MARCHF1: variants seen among roughly 807,000 people sequenced by gnomAD.
MARCHF1 encodes E3 ubiquitin-protein ligase MARCHF1.
Under a neutral mutation model 54.2 loss-of-function variants are expected in MARCHF1, and 40 were observed. The ratio of observed to expected loss-of-function variants is 0.74; its 90% CI spans 0.57 to 0.96. The LOEUF (loss-of-function observed/expected upper bound fraction) is 0.96. MARCHF1 is among the 40% of genes least tolerant of loss of function. The pLI is 0.00. For missense variants in MARCHF1, 586 were observed against 656.5 expected, an observed-to-expected ratio of 0.89 and a Z score of 1.17; for synonymous variants, 236 against 236.3, an observed-to-expected ratio of 1.00 and a Z score of 0.01.
At chr4:163,538,571 T>C (rs1390861790) in intron 9 of MARCHF1, among the ~76,000 whole-genome samples, 1 of 152,194 alleles carries the variant, frequency 6.6e-6, no homozygotes, top group Non-Finnish European at 1.5e-5. Flanking sequence ...TTAATTTCTT[T>C]ACAGCCCATG....
At position 163,873,890 on chromosome 4, in the gene MARCHF1, C is replaced by G. The variant is rs575712295; in HGVS notation, c.-38-19721G>C. Among the ~76,000 whole-genome samples, 9 of 152,252 alleles carry G rather than the reference C, an allele frequency of 5.9e-5. No individual in the cohort carries two copies. The South Asian group carries it at 1.9e-3, about 32-fold the overall frequency. ...TCATGTGTGCTACTCTGGAATCGTACCCCTAAGAAAATGTTGGCATGTAGG... is the reference window on the plus strand; with the variant it reads ...TCATGTGTGCTACTCTGGAATCGTAGCCCTAAGAAAATGTTGGCATGTAGG... On this transcript the variant is annotated intron_variant, in intron 3 of 9. Coordinates refer to ENST00000514618, the MANE Select transcript of MARCHF1 (RefSeq NM_001394959.1).
chr4:163,676,357 CA>C (rs201672647), intron 5 of MARCHF1, among the ~76,000 whole-genome samples: 1,843 of 106,244 alleles, frequency 0.017, 13 homozygotes, highest in Middle Eastern at 0.035. Context: ...AACTCTGTCT[CA>C]AAAAAAAAAA....
intron 5 of MARCHF1, among the ~76,000 whole-genome samples, chr4:163,623,153 G>T (rs1240283395): frequency 2.0e-5 from 3 of 152,174 alleles, no homozygotes; most frequent in African/African-American, 7.2e-5. Flanking sequence ...AGATCCAAGA[G>T]AAGTTTTGTT....
intron 3 of MARCHF1, among the ~76,000 whole-genome samples, chr4:163,933,370 T>C (rs1379659909): frequency 1.3e-5 from 2 of 152,220 alleles, no homozygotes; most frequent in African/African-American, 4.8e-5. Context: ...CGGAATCATC[T>C]GTTTACAGTC....
rs566037370 is a variant in MARCHF1 at position 164,177,648 on chromosome 4, G to A, written c.-322-65986C>T. Among the ~76,000 whole-genome samples, 19 of 152,216 alleles carry A rather than the reference G, an allele frequency of 1.2e-4. No individual in the cohort carries two copies. In the South Asian group the frequency reaches 2.1e-3, roughly 17 times the overall value. ...AAAGCAAACTTTAATATTGATAGCA[G>A]TAAGTGACATACTTAAGAAGAAAAA... On this transcript the variant is annotated intron_variant, in intron 1 of 9. Transcript: ENST00000514618.
At chr4:164,292,273 C>T (rs547639256) in intron 1 of MARCHF1, among the ~76,000 whole-genome samples, 50 of 152,152 alleles carry the variant, frequency 3.3e-4, no homozygotes, top group Middle Eastern at 3.4e-3. Context: ...AAACGTTTCT[C>T]ATAATTAAAG....
intron 3 of MARCHF1, among the ~76,000 whole-genome samples, chr4:163,862,528 G>A (rs949075350): frequency 5.9e-5 from 9 of 152,012 alleles, no homozygotes; most frequent in Non-Finnish European, 8.8e-5. Flanking sequence ...TATTAGAGTG[G>A]CTAAAATGCA....
chr4:164,378,734 CAG>C (rs1316024072), intron 1 of MARCHF1, among the ~76,000 whole-genome samples: 1 of 152,186 alleles, frequency 6.6e-6, no homozygotes, highest in East Asian at 1.9e-4. Context: ...TTTTTTGAGA[CAG>C]AGTCTCACTC....
chr4:164,365,963 TCA>T (rs1484816616), intron 1 of MARCHF1, among the ~76,000 whole-genome samples: 1 of 149,186 alleles, frequency 6.7e-6, no homozygotes, highest in Non-Finnish European at 1.5e-5. Flanking sequence ...CAAGTTTTGA[TCA>T]TCTCTCTCCC....
At chr4:164,300,971 G>T (rs1177867203) in intron 1 of MARCHF1, among the ~76,000 whole-genome samples, 2 of 152,164 alleles carry the variant, frequency 1.3e-5, no homozygotes, top group Non-Finnish European at 2.9e-5. Context: ...GATGGGGGAA[G>T]AGACGAAAAT....
chr4:164,184,919 T>C (rs1389078004), intron 1 of MARCHF1, among the ~76,000 whole-genome samples: 1 of 152,232 alleles, frequency 6.6e-6, no homozygotes, highest in Non-Finnish European at 1.5e-5. Context: ...GTAGTGACAG[T>C]GGCACAACTA....
At chr4:164,232,262 C>G (rs564322244) in intron 1 of MARCHF1, among the ~76,000 whole-genome samples, 1 of 152,046 alleles carries the variant, frequency 6.6e-6, no homozygotes, top group Non-Finnish European at 1.5e-5. Context: ...AGTTATCACA[C>G]GACATTTATG....
chr4:164,337,519 T>A (rs954717775), intron 1 of MARCHF1, among the ~76,000 whole-genome samples: 1 of 152,162 alleles, frequency 6.6e-6, no homozygotes, highest in African/African-American at 2.4e-5. Context: ...ATGATCAGCA[T>A]GGATGAGTAA....
intron 1 of MARCHF1, among the ~76,000 whole-genome samples, chr4:164,263,280 T>A (rs1444340808): frequency 6.6e-6 from 1 of 152,090 alleles, no homozygotes; most frequent in African/African-American, 2.4e-5. Context: ...GTTTAAGACA[T>A]TTTACTATGT....
Position 163,899,308 on chromosome 4 carries a change from C to G in MARCHF1, c.-38-45139G>C, listed in dbSNP as rs558321562. On this transcript the variant is annotated intron_variant, in intron 3 of 9. Coordinates refer to ENST00000514618, the MANE Select transcript of MARCHF1 (RefSeq NM_001394959.1). ...ATTAAAACGTCTTTTTCCAAGGTCA[C>G]TAATGATGCCGGATTGTTAAATTTA... Among the ~76,000 whole-genome samples the G allele has an allele frequency of 2.0e-5, 3 of 152,278 alleles. No homozygotes were observed. The East Asian group carries it at 5.8e-4, about 29-fold the overall frequency.
intron 3 of MARCHF1, among the ~76,000 whole-genome samples, chr4:163,960,737 T>C (rs1390649843): frequency 6.6e-6 from 1 of 151,486 alleles, no homozygotes; most frequent in East Asian, 1.9e-4. Context: ...TGAAATAATC[T>C]GCACAATAAA....
intron 5 of MARCHF1, among the ~76,000 whole-genome samples, chr4:163,644,212 C>A (rs971865815): frequency 4.6e-5 from 7 of 152,132 alleles, no homozygotes; most frequent in African/African-American, 1.7e-4. Context: ...GTCCACCACT[C>A]ATTTTCCCTC....
At chr4:163,769,172 T>C (rs1259859812) in intron 4 of MARCHF1, among the ~76,000 whole-genome samples, 1 of 152,160 alleles carries the variant, frequency 6.6e-6, no homozygotes, top group Admixed American at 6.5e-5. Context: ...CAAACACATT[T>C]CTGATATAGA....
intron 3 of MARCHF1, among the ~76,000 whole-genome samples, chr4:163,970,006 G>T (rs1486242621): frequency 6.6e-6 from 1 of 152,122 alleles, no homozygotes; most frequent in Non-Finnish European, 1.5e-5. Context: ...GCAGGAGGAT[G>T]ATAATTAGGG....
Sources: allele counts gnomAD v4.1 joint callset (sites outside exome capture counted in the v4.1 genomes callset), GRCh38; gene constraint gnomAD v4.1.1; transcripts MANE v1.5; gene names NCBI Gene and HGNC (gene_info 2026-07-23, HGNC 2026-07-21).